SLC9A9: variants seen among roughly 807,000 people sequenced by gnomAD.
SLC9A9 encodes the protein solute carrier family 9 member A9.
A neutral mutation model predicts 77.8 loss-of-function variants in SLC9A9; 62 were observed. The observed-to-expected ratio is 0.80, with a 90% confidence interval of 0.65 to 0.98. The LOEUF is 0.98. SLC9A9 is among the 50% of genes least tolerant of loss of function. The probability of loss-of-function intolerance (pLI) is 0.00; values close to 1 mark genes in which losing one functional copy is unlikely to be tolerated. For missense variants in SLC9A9, 775 were observed against 774.9 expected (o/e 1.00, Z 0.00); for synonymous variants, 320 against 283.5 (o/e 1.13, Z -1.29).
chr3:143,635,845 A>G (rs1348074882), intron 6 of SLC9A9, among the ~76,000 whole-genome samples: 2 of 152,210 alleles, frequency 1.3e-5, no homozygotes, highest in African/African-American at 4.8e-5. Flanking sequence ...CACATTATTC[A>G]GCGGCAATAC....
At chr3:143,504,103 T>C in intron 9 of SLC9A9, 1 of 494,206 alleles carries the variant, frequency 2.0e-6, no homozygotes, top group Non-Finnish European at 4.0e-6. Context: ...GATGGTACTG[T>C]GGAACTTGCC....
chr3:143,530,606 G>C (rs188222223), intron 9 of SLC9A9, among the ~76,000 whole-genome samples: 10 of 152,034 alleles, frequency 6.6e-5, no homozygotes, highest in Non-Finnish European at 1.3e-4. Context: ...GGAAAAGTGT[G>C]CATGCATTAT....
At chr3:143,600,819 A>G (rs1447582115) in intron 6 of SLC9A9, among the ~76,000 whole-genome samples, 1 of 152,246 alleles carries the variant, frequency 6.6e-6, no homozygotes, top group Non-Finnish European at 1.5e-5. Context: ...AATGTTTTCA[A>G]CTACTTCAAA....
intron 14 of SLC9A9, among the ~76,000 whole-genome samples, chr3:143,328,226 A>T (rs1342725735): frequency 6.6e-6 from 1 of 152,286 alleles, no homozygotes; most frequent in Non-Finnish European, 1.5e-5. Flanking sequence ...ATTGATGTTA[A>T]TAACAGAGGA....
intron 2 of SLC9A9, among the ~76,000 whole-genome samples, chr3:143,812,545 T>G (rs2008896493): frequency 6.6e-6 from 1 of 152,202 alleles, no homozygotes; most frequent in Non-Finnish European, 1.5e-5. Flanking sequence ...CAACACCCAT[T>G]TCCTTTTTGT....
intron 12 of SLC9A9, among the ~76,000 whole-genome samples, chr3:143,432,279 G>A (rs766438392): frequency 6.6e-6 from 1 of 152,130 alleles, no homozygotes; most frequent in Non-Finnish European, 1.5e-5. Flanking sequence ...TAATTACTAT[G>A]TTCTAAACTC....
chr3:143,351,586 T>C (rs745765623), intron 14 of SLC9A9, among the ~76,000 whole-genome samples: 2 of 152,148 alleles, frequency 1.3e-5, no homozygotes, highest in Non-Finnish European at 2.9e-5. Flanking sequence ...CAGTGGGATA[T>C]CTTCCAAAGA....
chr3:143,803,116 C>A (rs111963301), intron 2 of SLC9A9, among the ~76,000 whole-genome samples: 4 of 152,248 alleles, frequency 2.6e-5, no homozygotes, highest in South Asian at 2.1e-4. Flanking sequence ...ATCTATAGTA[C>A]CCCAACTGCC....
intron 11 of SLC9A9, among the ~76,000 whole-genome samples, chr3:143,492,217 G>C (rs939752900): frequency 6.6e-6 from 1 of 151,228 alleles, no homozygotes; most frequent in African/African-American, 2.4e-5. Context: ...ACATGAACCT[G>C]GGGGGCAGAG....
chr3:143,708,608 T>C (rs559559882), intron 4 of SLC9A9, among the ~76,000 whole-genome samples: 2 of 152,356 alleles, frequency 1.3e-5, no homozygotes, highest in South Asian at 4.1e-4. Flanking sequence ...GACCAGTTTG[T>C]AAAGCTCTCT....
At chr3:143,644,971 A>G (rs1011401326) in intron 6 of SLC9A9, among the ~76,000 whole-genome samples, 2 of 152,210 alleles carry the variant, frequency 1.3e-5, no homozygotes, top group Admixed American at 6.5e-5. Context: ...GTTAATTCTG[A>G]TCAAAAGGGG....
chr3:143,533,488 A>G (rs1394143421), intron 9 of SLC9A9, among the ~76,000 whole-genome samples: 2 of 152,230 alleles, frequency 1.3e-5, no homozygotes, highest in Admixed American at 6.5e-5. Context: ...TCCAAAAAAG[A>G]TGAAGACACA....
intron 4 of SLC9A9, among the ~76,000 whole-genome samples, chr3:143,774,094 AT>A (rs1433214118): frequency 2.6e-5 from 4 of 152,230 alleles, no homozygotes; most frequent in African/African-American, 9.6e-5. Context: ...GCAAAATTCT[AT>A]TTTATTGCCC....
At chr3:143,560,682 T>C (rs1035223819) in intron 8 of SLC9A9, among the ~76,000 whole-genome samples, 2 of 151,668 alleles carry the variant, frequency 1.3e-5, no homozygotes, top group Non-Finnish European at 2.9e-5. Flanking sequence ...TAAAATAAAA[T>C]TGATGATATA....
At position 143,659,930 on chromosome 3, in the gene SLC9A9, C is replaced by T. The variant is rs556326444; in HGVS notation, c.650-7570G>A. 7.2e-5 allele frequency among the ~76,000 whole-genome samples: 11 copies of T among 152,252 alleles called. No homozygotes were observed. The East Asian group carries it at 1.2e-3, about 16-fold the overall frequency. ...TTCTTGTGATAGTGAGCAAGTCTCA[C>T]GAGCTCTGAGGGATTCATAAAGGGA... On this transcript the variant is annotated intron_variant, in intron 5 of 15. Transcript: ENST00000316549.
chr3:143,736,093 T>A (rs1048886862), intron 4 of SLC9A9, among the ~76,000 whole-genome samples: 2 of 152,240 alleles, frequency 1.3e-5, no homozygotes, highest in Non-Finnish European at 2.9e-5. Flanking sequence ...TGTTCTTTTT[T>A]TGGAACCTCC....
chr3:143,480,244 G>A (rs567700910), intron 11 of SLC9A9, among the ~76,000 whole-genome samples: 3 of 152,324 alleles, frequency 2.0e-5, no homozygotes, highest in East Asian at 1.9e-4. Context: ...AATTTTTATC[G>A]TAAATTTATT....
In SLC9A9 at chr3:143,821,970, T is replaced by C. The variant is rs865829549; in HGVS notation, c.378+10049A>G. 6.6e-5 allele frequency among the ~76,000 whole-genome samples: 10 copies of C among 152,334 alleles called. No homozygotes were observed. The Middle Eastern group carries it at 0.01, about 155-fold the overall frequency. On this transcript the variant is annotated intron_variant, in intron 2 of 15. Transcript: ENST00000316549. The stretch of plus-strand genomic sequence containing the variant: ...CCCTTCAATGAAGGCTGTGTTGTCC[T>C]TGCTGCAGCAAGCGCTGTCAGTCCC...
chr3:143,584,039 G>A (rs2037499257), intron 6 of SLC9A9, among the ~76,000 whole-genome samples: 1 of 152,194 alleles, frequency 6.6e-6, no homozygotes, highest in African/African-American at 2.4e-5. Flanking sequence ...GATGTTGTGA[G>A]TGAAATGCTG....
Sources: allele counts gnomAD v4.1 joint callset (sites outside exome capture counted in the v4.1 genomes callset), GRCh38; gene constraint gnomAD v4.1.1; transcripts MANE v1.5; gene names NCBI Gene and HGNC (gene_info 2026-07-23, HGNC 2026-07-21).